The following GLIS3 variants were observed in gnomAD, a reference collection of about 807,000 sequenced individuals.
GLIS3 encodes GLIS family zinc finger 3.
In GLIS3, 53 loss-of-function variants were observed where a neutral mutation model predicts 78.6. That is an observed-to-expected ratio of 0.67 (90% CI 0.54 to 0.85). The LOEUF (loss-of-function observed/expected upper bound fraction) is 0.85. Among genes scored for constraint, GLIS3 ranks in the 40% least tolerant of loss-of-function variants. The pLI is 0.00. For synonymous variants in GLIS3, 684 were observed against 509.9 expected (o/e 1.34, Z -4.60); for missense variants, 1,703 against 1,231.1 (o/e 1.38, Z -5.74).
intron 4 of GLIS3, among the ~76,000 whole-genome samples, chr9:4,042,809 T>C (rs911191442): frequency 6.6e-6 from 1 of 152,204 alleles, no homozygotes; most frequent in African/African-American, 2.4e-5. Flanking sequence ...AAGGGCTTTC[T>C]TGATTTAATA....
the GLIS3 span, among the ~76,000 whole-genome samples, chr9:4,423,446 AC>A: frequency 6.6e-6 from 1 of 150,596 alleles, no homozygotes; most frequent in Non-Finnish European, 1.5e-5. Context: ...AACTTCCCAC[AC>A]CCCTCCCCCA....
intron 2 of GLIS3, among the ~76,000 whole-genome samples, chr9:4,199,490 A>C (rs906026097): frequency 1.0e-4 from 15 of 149,562 alleles, no homozygotes; most frequent in Non-Finnish European, 1.8e-4. Context: ...GTTATATATA[A>C]GTTTATATGA....
intron 1 of GLIS3, among the ~76,000 whole-genome samples, chr9:4,288,249 CCT>C (rs1828164671): frequency 6.6e-6 from 1 of 152,168 alleles, no homozygotes; most frequent in South Asian, 2.1e-4. Context: ...CATCTATTTT[CCT>C]CTCATTGATA....
intron 4 of GLIS3, among the ~76,000 whole-genome samples, chr9:4,059,359 G>A (rs893655471): frequency 2.6e-5 from 4 of 152,184 alleles, no homozygotes; most frequent in Admixed American, 6.5e-5. Flanking sequence ...CACCTCTGGA[G>A]ATCTCTGCAC....
At chr9:4,201,153 C>T (rs977857982) in intron 2 of GLIS3, among the ~76,000 whole-genome samples, 13 of 152,074 alleles carry the variant, frequency 8.5e-5, no homozygotes, top group African/African-American at 3.1e-4. Context: ...GATAAAAAAC[C>T]TCAAGAAACT....
At chr9:4,339,145 G>A (rs1359012470) in intron 2 of GLIS3, among the ~76,000 whole-genome samples, 3 of 152,158 alleles carry the variant, frequency 2.0e-5, no homozygotes, top group African/African-American at 7.2e-5. Context: ...ATGATTTAGT[G>A]GCTTGGCTTA....
At chr9:3,963,749 T>A (rs1280669178) in intron 4 of GLIS3, among the ~76,000 whole-genome samples, 1 of 152,046 alleles carries the variant, frequency 6.6e-6, no homozygotes, top group Non-Finnish European at 1.5e-5. Flanking sequence ...TTGATAATCT[T>A]ATCGTGAGGC....
At chr9:4,244,506 G>C (rs998574993) in intron 2 of GLIS3, among the ~76,000 whole-genome samples, 3 of 152,140 alleles carry the variant, frequency 2.0e-5, no homozygotes, top group African/African-American at 7.2e-5. Context: ...TTTTTTTAAG[G>C]TGAACTGCTT....
chr9:4,196,507 A>G (rs528472040), intron 2 of GLIS3, among the ~76,000 whole-genome samples: 1 of 152,298 alleles, frequency 6.6e-6, no homozygotes, highest in East Asian at 1.9e-4. Flanking sequence ...CCTCACCATA[A>G]AGTTCTGCAG....
chr9:3,840,719 G>A lies in GLIS3; in HGVS notation c.2474-11227C>T, dbSNP rs759684160. ...CCCTTTGTCCTTGGAGAGATGGGTC[G>A]TAGCATGAAGGCTTCTAATTAGAAA... is the stretch of plus-strand genomic sequence containing the variant. On this transcript the variant is annotated intron_variant, in intron 9 of 10. Transcript: ENST00000381971. Among the ~76,000 whole-genome samples the A allele has an allele frequency of 2.2e-4, 34 of 152,176 alleles. 1 individual carries two copies. Among genetic ancestry groups the A allele is most frequent in the Admixed American group, 1.9e-3 (29 of 15,274 alleles).
chr9:3,897,021 A>T (rs1044622775), intron 7 of GLIS3, among the ~76,000 whole-genome samples: 1 of 152,246 alleles, frequency 6.6e-6, no homozygotes, highest in Non-Finnish European at 1.5e-5. Context: ...CTAAAGCTTT[A>T]AAAACACTAC....
chr9:4,140,356 C>T (rs1276343235), intron 2 of GLIS3, among the ~76,000 whole-genome samples: 1 of 152,032 alleles, frequency 6.6e-6, no homozygotes, highest in Non-Finnish European at 1.5e-5. Flanking sequence ...ACAAAAAAAG[C>T]CACCAGACTA....
At chr9:4,295,574 A>G (rs1360412427) in intron 1 of GLIS3, among the ~76,000 whole-genome samples, 2 of 152,194 alleles carry the variant, frequency 1.3e-5, no homozygotes, top group African/African-American at 4.8e-5. Context: ...AAAACCAGAC[A>G]AAACTAATAT....
chr9:4,244,662 C>T (rs1269272461), intron 2 of GLIS3, among the ~76,000 whole-genome samples: 2 of 152,078 alleles, frequency 1.3e-5, no homozygotes, highest in Non-Finnish European at 2.9e-5. Flanking sequence ...GCAACCTCTA[C>T]CTCCTGGGTT....
chr9:4,395,777 CTTTTTTTT>C, the GLIS3 span, among the ~76,000 whole-genome samples: 7 of 127,724 alleles, frequency 5.5e-5, no homozygotes, highest in Admixed American at 2.3e-4. Flanking sequence ...TTCTTTTTTT[CTTTTTTTT>C]TTTTTTTGAG....
At chr9:4,371,074 G>A in the GLIS3 span, among the ~76,000 whole-genome samples, 1 of 152,212 alleles carries the variant, frequency 6.6e-6, no homozygotes, top group Non-Finnish European at 1.5e-5. Context: ...CACTTGTATT[G>A]TCTAAAATTC....
chr9:4,076,849 G>A (rs886730928), intron 4 of GLIS3, among the ~76,000 whole-genome samples: 10 of 152,174 alleles, frequency 6.6e-5, no homozygotes, highest in African/African-American at 1.7e-4. Flanking sequence ...TTGAACCCAG[G>A]AGTTTGAGAC....
chr9:4,333,901 A>G (rs1190323989), intron 2 of GLIS3, among the ~76,000 whole-genome samples: 2 of 152,226 alleles, frequency 1.3e-5, no homozygotes, highest in Admixed American at 1.3e-4. Flanking sequence ...ACCACTTTGC[A>G]TTGGGAATTT....
At chr9:4,120,177 T>G (rs1381182550) in intron 3 of GLIS3, among the ~76,000 whole-genome samples, 1 of 152,220 alleles carries the variant, frequency 6.6e-6, no homozygotes. Flanking sequence ...AAGAAGCATT[T>G]TCATCCCACC....
Sources: gnomAD v4.1 joint callset for allele counts (sites outside exome capture counted in the v4.1 genomes callset) on GRCh38, gnomAD v4.1.1 for gene constraint, MANE v1.5 for transcripts, NCBI Gene and HGNC (gene_info 2026-07-23, HGNC 2026-07-21) for gene names.